Variants in SOS1 observed in about 807,000 individuals in gnomAD.
SOS1 encodes the protein son of sevenless homolog 1.
In SOS1, 25 loss-of-function variants were observed where a neutral mutation model predicts 157.6. The ratio of observed to expected loss-of-function variants is 0.16; its 90% CI spans 0.12 to 0.22. The LOEUF (loss-of-function observed/expected upper bound fraction) is 0.22. Among genes scored for constraint, SOS1 ranks in the 10% least tolerant of loss-of-function variants. The pLI is 1.00. For missense variants in SOS1, 1,237 were observed against 1,599.1 expected (o/e 0.77, Z 3.86); for synonymous variants, 528 against 534.0 (o/e 0.99, Z 0.16).
At chr2:39,102,667 G>A (rs115714734) in intron 1 of SOS1, among the ~76,000 whole-genome samples, 8 of 151,420 alleles carry the variant, frequency 5.3e-5, no homozygotes, top group African/African-American at 9.7e-5. Context: ...TGGTGCGGCC[G>A]GGCATGGTAG....
rs1668422304 is a variant in SOS1 at position 38,982,241 on chromosome 2, G to A, written c.*3583C>T. On this transcript the variant is annotated 3_prime_UTR_variant, in exon 23 of 23. Coordinates refer to ENST00000402219, the MANE Select transcript of SOS1 (RefSeq NM_005633.4). Reference sequence around the variant, plus strand: ...TACGGTGTCAAAAATGGAAAATAAGGCATGGAATTTACTAAACAAGTTACA... The same window carrying A: ...TACGGTGTCAAAAATGGAAAATAAGACATGGAATTTACTAAACAAGTTACA... 1.3e-5 allele frequency: 2 copies of A among 152,108 alleles called. No homozygotes were observed. 9.4% of individuals were successfully genotyped at this position (152,108 alleles called of 1,614,324 possible). A position where few individuals can be genotyped will look rare whatever the true frequency, so the allele number is the denominator to read the frequency against.
chr2:39,102,850 G>A (rs966107488), intron 1 of SOS1, among the ~76,000 whole-genome samples: 1 of 152,120 alleles, frequency 6.6e-6, no homozygotes, highest in African/African-American at 2.4e-5. Flanking sequence ...AACTACTCAG[G>A]AGGCTGAGAT....
chr2:38,994,315 G>C lies in SOS1; in HGVS notation c.3346+808C>G, dbSNP rs563234160. Reference sequence around the variant, plus strand: ...GTGGCTCACATATTTCTATAGGACAGTGCTGGTCTAGAAATAAGAGATGGA... The same window carrying C: ...GTGGCTCACATATTTCTATAGGACACTGCTGGTCTAGAAATAAGAGATGGA... On this transcript the variant is annotated intron_variant, in intron 20 of 22. Coordinates refer to ENST00000402219, the MANE Select transcript of SOS1 (RefSeq NM_005633.4). Among the ~76,000 whole-genome samples the C allele has an allele frequency of 1.5e-4, 23 of 152,306 alleles. No homozygotes were observed. In the South Asian group the frequency reaches 4.8e-3, roughly 32 times the overall value.
chr2:39,102,752 C>A (rs1045057093), intron 1 of SOS1, among the ~76,000 whole-genome samples: 4 of 151,902 alleles, frequency 2.6e-5, no homozygotes, highest in Non-Finnish European at 5.9e-5. Flanking sequence ...CAAGACCATC[C>A]TGGCCAACAA....
chr2:39,115,406 CTTTTTTTTTTTTTT>C, intron 1 of SOS1, among the ~76,000 whole-genome samples: 1 of 64,064 alleles, frequency 1.6e-5, no homozygotes, highest in Non-Finnish European at 2.9e-5. Flanking sequence ...TGTTCTCTCT[CTTTTTTTTTTTTTT>C]TTTTTTTTTT....
chr2:39,042,050 G>A (rs1670590656), intron 6 of SOS1, among the ~76,000 whole-genome samples: 1 of 151,666 alleles, frequency 6.6e-6, no homozygotes, highest in East Asian at 1.9e-4. Flanking sequence ...TTTTTTCAGG[G>A]CTCTTTATTC....
intron 1 of SOS1, among the ~76,000 whole-genome samples, chr2:39,085,982 T>C (rs973547008): frequency 1.3e-5 from 2 of 152,260 alleles, no homozygotes; most frequent in South Asian, 2.1e-4. Flanking sequence ...GTGGGCTACA[T>C]TGCCTACATT....
rs1209288378 is a variant in SOS1, at chr2:38,983,611, C to T, written c.*2213G>A. On this transcript the variant is annotated 3_prime_UTR_variant, in exon 23 of 23. Coordinates refer to ENST00000402219, the MANE Select transcript of SOS1 (RefSeq NM_005633.4). ...GGCTAACACATTAGCCGAAGACATA[C>T]TGAAGGGGGTCCAATGTGACTTTTA... 4 of 152,096 alleles carry T rather than the reference C, an allele frequency of 2.6e-5. No individual in the cohort carries two copies. Among genetic ancestry groups the T allele is most frequent in the Non-Finnish European group, 5.9e-5 (4 of 68,014 alleles). 9.4% of individuals were successfully genotyped at this position (152,096 alleles called of 1,614,324 possible).
At chr2:39,077,048 TA>T (rs1483661594) in intron 1 of SOS1, among the ~76,000 whole-genome samples, 1 of 152,104 alleles carries the variant, frequency 6.6e-6, no homozygotes, top group Non-Finnish European at 1.5e-5. Context: ...AAAATGTGTA[TA>T]AAACCTTTAT....
At chr2:39,003,519 A>G (rs989116336) in intron 17 of SOS1, among the ~76,000 whole-genome samples, 1 of 152,232 alleles carries the variant, frequency 6.6e-6, no homozygotes, top group Non-Finnish European at 1.5e-5. Flanking sequence ...ACTGTATCAT[A>G]TTTTGTAAAC....
chr2:39,070,935 T>G (rs1420335467), intron 1 of SOS1, among the ~76,000 whole-genome samples: 1 of 152,198 alleles, frequency 6.6e-6, no homozygotes, highest in Non-Finnish European at 1.5e-5. Context: ...CAACCTTGGC[T>G]CACTGCAACC....
intron 8 of SOS1, among the ~76,000 whole-genome samples, chr2:39,032,676 T>G (rs1390183179): frequency 6.6e-6 from 1 of 152,112 alleles, no homozygotes; most frequent in Non-Finnish European, 1.5e-5. Context: ...AGGAAGGAAC[T>G]CACTCTGGGC....
intron 8 of SOS1, among the ~76,000 whole-genome samples, chr2:39,029,335 T>C (rs1670077424): frequency 1.3e-5 from 2 of 152,268 alleles, no homozygotes; most frequent in South Asian, 4.1e-4. Flanking sequence ...TTATTTAAAA[T>C]TAAAAATTGG....
chr2:39,094,112 C>T (rs191877815), intron 1 of SOS1, among the ~76,000 whole-genome samples: 1 of 152,128 alleles, frequency 6.6e-6, no homozygotes, highest in East Asian at 1.9e-4. Flanking sequence ...GCAAAAAATA[C>T]TAAACAATGC....
At chr2:39,063,825 A>T (rs776414572) in intron 2 of SOS1, among the ~76,000 whole-genome samples, 3 of 149,396 alleles carry the variant, frequency 2.0e-5, no homozygotes, top group Non-Finnish European at 4.5e-5. Context: ...TTCTTTAAAC[A>T]TTTTTTTTTT....
chr2:39,073,997 T>A (rs945363104), intron 1 of SOS1, among the ~76,000 whole-genome samples: 1 of 152,206 alleles, frequency 6.6e-6, no homozygotes, highest in East Asian at 1.9e-4. Context: ...ATGCTTTAGG[T>A]GCTTATCACT....
chr2:39,044,854 G>GCA (rs1670700706), intron 6 of SOS1, among the ~76,000 whole-genome samples: 7 of 26,370 alleles, frequency 2.7e-4, no homozygotes, highest in South Asian at 2.0e-3. Flanking sequence ...ACACACATGC[G>GCA]CGCGCGCGCG....
intron 1 of SOS1, among the ~76,000 whole-genome samples, chr2:39,107,448 T>C (rs1325773820): frequency 1.3e-5 from 2 of 152,134 alleles, no homozygotes; most frequent in African/African-American, 4.8e-5. Context: ...TCTAAGACAC[T>C]TTCACTCAAA....
rs763337946 is a variant in SOS1 at position 39,120,384 on chromosome 2, T to C, written c.39A>G (p.Glu13=). Residue 13 remains glutamate, a synonymous_variant, in exon 1 of 23, where the codon GAA becomes GAG. Transcript: ENST00000402219. ...GTCCCCGCCACTTGGGCGCGTTCTCTTCGCTGAAAAACTCGTAGGGCAGCT... is the reference window on the plus strand; with the variant it reads ...GTCCCCGCCACTTGGGCGCGTTCTCCTCGCTGAAAAACTCGTAGGGCAGCT... ...AQQLPYEFFS[E]ENAPKWRGLL... The C allele has an allele frequency of 1.9e-5, 30 of 1,601,674 alleles. No homozygotes were observed. The highest frequency in any genetic ancestry group is 2.4e-5 in the Non-Finnish European group (28 of 1,175,268).
Sources: allele counts gnomAD v4.1 joint callset (sites outside exome capture counted in the v4.1 genomes callset), GRCh38; gene constraint gnomAD v4.1.1; transcripts MANE v1.5; gene names NCBI Gene and HGNC (gene_info 2026-07-23, HGNC 2026-07-21).